Variants in TMTC2 observed in about 807,000 individuals in gnomAD.
The protein encoded by TMTC2 is transmembrane O-mannosyltransferase targeting cadherins 2.
In TMTC2, 43 loss-of-function variants were observed where a neutral mutation model predicts 82.4. The observed-to-expected ratio is 0.52, with a 90% CI of 0.41 to 0.67. The LOEUF (loss-of-function observed/expected upper bound fraction) is 0.67, where lower values mean the gene tolerates loss of function less well. TMTC2 is among the 30% of genes least tolerant of loss of function. The pLI is 0.00. For missense variants in TMTC2, 919 were observed against 1,012.4 expected (o/e 0.91, Z 1.25); for synonymous variants, 408 against 381.9 (o/e 1.07, Z -0.80).
chr12:82,720,832 A>G (rs1874174523), intron 1 of TMTC2, among the ~76,000 whole-genome samples: 1 of 152,298 alleles, frequency 6.6e-6, no homozygotes, highest in Non-Finnish European at 1.5e-5. Context: ...CTTGTCATGT[A>G]GTTATGAATC....
At chr12:82,926,924 A>G (rs1361197123) in intron 3 of TMTC2, among the ~76,000 whole-genome samples, 2 of 152,208 alleles carry the variant, frequency 1.3e-5, no homozygotes, top group African/African-American at 2.4e-5. Context: ...TTTTCAAAAG[A>G]TTATCATTGC....
chr12:82,876,136 G>GTGGTGGTGGTGGTGGTGGTATTAGTAA (rs1872552156), intron 2 of TMTC2, among the ~76,000 whole-genome samples: 5 of 142,788 alleles, frequency 3.5e-5, no homozygotes, highest in Non-Finnish European at 7.8e-5. Flanking sequence ...AGTAATGGTG[G>GTGGTGGTGGTGGTGGTGGTATTAGTAA]TGGTGGTGGT....
At chr12:82,959,474 A>T (rs1877796359) in intron 4 of TMTC2, among the ~76,000 whole-genome samples, 1 of 152,174 alleles carries the variant, frequency 6.6e-6, no homozygotes, top group Non-Finnish European at 1.5e-5. Flanking sequence ...ACAAAATCAG[A>T]CACATAGACC....
At chr12:82,909,637 G>A (rs1874514396) in intron 3 of TMTC2, among the ~76,000 whole-genome samples, 1 of 152,132 alleles carries the variant, frequency 6.6e-6, no homozygotes, top group Non-Finnish European at 1.5e-5. Context: ...ACCGTGCCTG[G>A]CCTCATGAAG....
chr12:82,956,397 C>T (rs186439587), intron 4 of TMTC2, among the ~76,000 whole-genome samples: 6 of 152,066 alleles, frequency 3.9e-5, no homozygotes, highest in African/African-American at 1.4e-4. Flanking sequence ...ATGTAGTATG[C>T]AGACAGAAAA....
intron 1 of TMTC2, among the ~76,000 whole-genome samples, chr12:82,835,800 T>C (rs1461569461): frequency 6.6e-6 from 1 of 152,166 alleles, no homozygotes; most frequent in Non-Finnish European, 1.5e-5. Flanking sequence ...CCCTGCCCCT[T>C]GAGACTTCCC....
intron 1 of TMTC2, among the ~76,000 whole-genome samples, chr12:82,772,221 A>G (rs1877349285): frequency 6.6e-6 from 1 of 152,188 alleles, no homozygotes; most frequent in Non-Finnish European, 1.5e-5. Flanking sequence ...CTAGACCAAA[A>G]GTTTGCCTTG....
chr12:82,709,668 A>C (rs1873532723), intron 1 of TMTC2, among the ~76,000 whole-genome samples: 1 of 152,208 alleles, frequency 6.6e-6, no homozygotes, highest in African/African-American at 2.4e-5. Context: ...GGAGCTAGTG[A>C]ATTCAATGAA....
At chr12:82,745,732 A>T (rs902925242) in intron 1 of TMTC2, among the ~76,000 whole-genome samples, 2 of 152,230 alleles carry the variant, frequency 1.3e-5, no homozygotes, top group Non-Finnish European at 2.9e-5. Context: ...TTTCAAAAAA[A>T]TACCATTGTG....
chr12:82,888,485 G>A (rs576725298), intron 2 of TMTC2, among the ~76,000 whole-genome samples: 7 of 152,192 alleles, frequency 4.6e-5, no homozygotes, highest in South Asian at 2.1e-4. Context: ...ATGAGGTCTC[G>A]CTATGTTGTC....
chr12:83,069,900 C>T (rs1474831057), intron 11 of TMTC2, among the ~76,000 whole-genome samples: 1 of 151,912 alleles, frequency 6.6e-6, no homozygotes, highest in Non-Finnish European at 1.5e-5. Context: ...TTCATTCTCC[C>T]ACATGTGGCT....
chr12:82,753,267 T>G (rs1313336068), intron 1 of TMTC2, among the ~76,000 whole-genome samples: 1 of 151,790 alleles, frequency 6.6e-6, no homozygotes, highest in Non-Finnish European at 1.5e-5. Flanking sequence ...AAGGAGAAAA[T>G]AATTTATTTC....
intron 8 of TMTC2, among the ~76,000 whole-genome samples, chr12:83,025,715 A>G (rs1881138872): frequency 6.6e-6 from 1 of 152,194 alleles, no homozygotes; most frequent in African/African-American, 2.4e-5. Flanking sequence ...TCTATACAAC[A>G]TGACTACAAA....
chr12:82,764,141 TACAC>T (rs768758413), intron 1 of TMTC2, among the ~76,000 whole-genome samples: 1 of 152,256 alleles, frequency 6.6e-6, no homozygotes, highest in African/African-American at 2.4e-5. Flanking sequence ...TACACACACA[TACAC>T]ACTTTTTTTT....
At chr12:83,026,632 G>T (rs190576919) in intron 8 of TMTC2, among the ~76,000 whole-genome samples, 1 of 151,788 alleles carries the variant, frequency 6.6e-6, no homozygotes, top group Admixed American at 6.6e-5. Context: ...TTAAGCTGAA[G>T]CCATAATAGT....
intron 7 of TMTC2, among the ~76,000 whole-genome samples, chr12:82,974,402 A>G (rs889528500): frequency 6.6e-6 from 1 of 152,246 alleles, no homozygotes; most frequent in African/African-American, 2.4e-5. Context: ...AATTGGATTT[A>G]AAAATCTTAA....
intron 11 of TMTC2, among the ~76,000 whole-genome samples, chr12:83,107,290 C>A (rs1235713570): frequency 3.3e-5 from 5 of 152,210 alleles, no homozygotes; most frequent in Non-Finnish European, 7.3e-5. Context: ...CAGGATACCA[C>A]AACCTGGGTA....
At position 82,712,545 on chromosome 12, in the gene TMTC2, G is replaced by A. The variant is rs761784566; in HGVS notation, c.83+24876G>A. ...AGGAGGGGTCTCCAAATCATGCTGC[G>A]TGGGCCAGGGAGTCTGATGGAAGAA... On this transcript the variant is annotated intron_variant, in intron 1 of 11. Transcript: ENST00000321196. Among the ~76,000 whole-genome samples, 16 of 152,056 alleles carry A rather than the reference G, an allele frequency of 1.1e-4. 1 individual carries two copies. The highest frequency in any genetic ancestry group is 1.3e-4 in the Admixed American group (2 of 15,268).
At position 83,133,080 on chromosome 12, in the gene TMTC2, C is replaced by T. The variant is rs17552524; in HGVS notation, c.*691C>T. On this transcript the variant is annotated 3_prime_UTR_variant, in exon 12 of 12. Transcript: ENST00000321196. ...AGTAGAGCTAACCATACTTCACACT[C>T]GAGTTGTATGAGGGACTGGGGAGGC... 13,925 of 152,174 alleles carry T rather than the reference C, an allele frequency of 0.092. 712 individuals are homozygous for T. The highest frequency in any genetic ancestry group is 0.13 in the South Asian group (647 of 4,806). The allele number at this position is 152,174 out of a possible 1,614,324, so 9.4% of individuals were successfully genotyped here.
Sources: allele counts gnomAD v4.1 joint callset (sites outside exome capture counted in the v4.1 genomes callset), GRCh38; gene constraint gnomAD v4.1.1; transcripts MANE v1.5; gene names NCBI Gene and HGNC (gene_info 2026-07-23, HGNC 2026-07-21).